The following RIPOR2 variants were observed in gnomAD, a reference collection of about 807,000 sequenced individuals.
RIPOR2 encodes the protein RHO family interacting cell polarization regulator 2.
In RIPOR2, 39 loss-of-function variants were observed where a neutral mutation model predicts 114.5. That is an observed-to-expected ratio of 0.34 (90% confidence interval 0.26 to 0.44). The LOEUF (loss-of-function observed/expected upper bound fraction) is 0.44. Ranked by LOEUF, RIPOR2 falls within the 20% of genes least tolerant of loss-of-function variation. RIPOR2 has a pLI of 1.00. For missense variants in RIPOR2, 1,007 were observed against 1,255.1 expected (o/e 0.80, Z 2.99); for synonymous variants, 445 against 484.4 (o/e 0.92, Z 1.07).
intron 7 of RIPOR2, 134 bp from the exon 8 acceptor site, chr6:24,861,170 G>T: frequency 1.7e-6 from 1 of 593,168 alleles, no homozygotes. Flanking sequence ...ACACAGCACA[G>T]CCTAAGAAAC....
intron 1 of RIPOR2, among the ~76,000 whole-genome samples, chr6:24,911,519 G>C (rs994141169): frequency 3.9e-5 from 6 of 152,218 alleles, no homozygotes; most frequent in African/African-American, 1.2e-4. Context: ...CCCACGGCAA[G>C]GGTTGTGCTG....
chr6:24,966,624 T>C (rs554142882), intron 1 of RIPOR2, among the ~76,000 whole-genome samples: 1 of 152,286 alleles, frequency 6.6e-6, no homozygotes, highest in South Asian at 2.1e-4. Context: ...CAATTATGCA[T>C]GATGAAGTCA....
At chr6:24,956,274 C>T (rs1581871382) in intron 1 of RIPOR2, among the ~76,000 whole-genome samples, 2 of 152,102 alleles carry the variant, frequency 1.3e-5, no homozygotes, top group South Asian at 4.1e-4. Flanking sequence ...TTCCCTCTTA[C>T]AATAGATCAT....
chr6:25,001,624 C>CAAA (rs747422738), intron 1 of RIPOR2, among the ~76,000 whole-genome samples: 9 of 56,312 alleles, frequency 1.6e-4, no homozygotes, highest in African/African-American at 4.1e-4. Flanking sequence ...GACTTCATCT[C>CAAA]AAAAAAAAAA....
intron 13 of RIPOR2, chr6:24,840,226 G>A (rs1761561953): frequency 1.2e-5 from 12 of 1,000,850 alleles, no homozygotes; most frequent in Non-Finnish European, 1.4e-5. Context: ...TTACAGGCAT[G>A]AGCCACCGCA....
intron 6 of RIPOR2, 108 bp downstream of exon 6, chr6:24,868,986 A>C (rs1302831373): frequency 8.3e-6 from 5 of 600,268 alleles, no homozygotes. Context: ...CTTAGGAGTC[A>C]ATTGGATAGG....
intron 1 of RIPOR2, among the ~76,000 whole-genome samples, chr6:24,951,315 C>A (rs778862516): frequency 1.4e-4 from 21 of 152,246 alleles, no homozygotes; most frequent in Admixed American, 3.3e-4. Context: ...AGTGCTGCAG[C>A]CCCCAGGTTT....
rs181183237 is a variant in RIPOR2, at chr6:24,924,793, A to C, written c.61+11045T>G. On this transcript the variant is annotated intron_variant, in intron 1 of 21. Coordinates refer to ENST00000643898, the MANE Select transcript of RIPOR2 (RefSeq NM_001286445.3). Reference sequence around the variant, plus strand: ...GGATTACAAAACTCTCAATGACCTTAAGATTTGGAAGTTGATGACATAGAC... The same window carrying C: ...GGATTACAAAACTCTCAATGACCTTCAGATTTGGAAGTTGATGACATAGAC... Among the ~76,000 whole-genome samples the C allele has an allele frequency of 2.1e-3, 313 of 152,324 alleles. 1 individual carries two copies. Among genetic ancestry groups the C allele is most frequent in the Non-Finnish European group, 3.4e-3 (232 of 68,022 alleles).
intron 1 of RIPOR2, among the ~76,000 whole-genome samples, chr6:25,040,871 A>C (rs1308158973): frequency 6.6e-6 from 1 of 152,208 alleles, no homozygotes; most frequent in Non-Finnish European, 1.5e-5. Context: ...GATTACAGGC[A>C]TGAGCTACCG....
At chr6:24,925,215 C>T (rs1770773603) in intron 1 of RIPOR2, among the ~76,000 whole-genome samples, 1 of 152,238 alleles carries the variant, frequency 6.6e-6, no homozygotes, top group Non-Finnish European at 1.5e-5. Context: ...GTGCAGTTCT[C>T]AGTGTTACCT....
intron 4 of RIPOR2, among the ~76,000 whole-genome samples, chr6:24,872,532 G>C (rs531041166): frequency 2.2e-4 from 33 of 152,214 alleles, no homozygotes; most frequent in Non-Finnish European, 4.3e-4. Context: ...AATTCTGTAT[G>C]TACTAACAAT....
intron 4 of RIPOR2, among the ~76,000 whole-genome samples, chr6:24,871,661 A>G (rs977401734): frequency 6.6e-6 from 1 of 152,192 alleles, no homozygotes; most frequent in Admixed American, 6.5e-5. Context: ...CCTTAAGAAG[A>G]GTTCTTGAGG....
chr6:24,855,369 TTTA>T lies in RIPOR2; in HGVS notation c.716-2754_716-2752del, dbSNP rs200919805. Among the ~76,000 whole-genome samples the T allele has an allele frequency of 3.0e-3, 406 of 135,308 alleles. 4 individuals carry two copies. Among genetic ancestry groups the T allele is most frequent in the South Asian group, 0.029 (127 of 4,428 alleles). The allele number at this position is 135,308 out of a possible 152,430, so 88.8% of individuals were successfully genotyped here. On this transcript the variant is annotated intron_variant, in intron 8 of 21. Transcript: ENST00000643898. The stretch of plus-strand genomic sequence containing the variant: ...ACTGGGTGGAATGATTATATATGAC[TTTA>T]TTTTTTTTTTGTTATATTTCTCAAT...
chr6:24,900,842 C>T (rs1768374080), intron 1 of RIPOR2, among the ~76,000 whole-genome samples: 1 of 152,028 alleles, frequency 6.6e-6, no homozygotes, highest in Non-Finnish European at 1.5e-5. Context: ...GTTGTTTTGT[C>T]TTGCTTTTTG....
chr6:24,850,092 TTTTTC>T (rs1762717735), intron 10 of RIPOR2, 142 bp from the exon 11 acceptor site: 3 of 626,758 alleles, frequency 4.8e-6, no homozygotes, highest in African/African-American at 2.3e-5. Flanking sequence ...TTCATTTTTC[TTTTTC>T]TTTTTTTTTT....
intron 1 of RIPOR2, among the ~76,000 whole-genome samples, chr6:25,028,636 C>T (rs1264192676): frequency 6.6e-6 from 1 of 152,224 alleles, no homozygotes; most frequent in Admixed American, 6.5e-5. Flanking sequence ...GACAGATGTA[C>T]TGTCTTACTC....
chr6:24,840,489 G>C (rs1366623203), intron 13 of RIPOR2: 1 of 1,385,336 alleles, frequency 7.2e-7, no homozygotes, highest in African/African-American at 1.5e-5. Flanking sequence ...TTGGAGAGAA[G>C]TATTTCCAAA....
chr6:24,936,875 T>C (rs1341471720), upstream of RIPOR2, among the ~76,000 whole-genome samples: 30 of 152,166 alleles, frequency 2.0e-4, no homozygotes, highest in Non-Finnish European at 1.5e-5. Flanking sequence ...AAAATGCAAA[T>C]GGAGATGACA....
intron 1 of RIPOR2, chr6:24,977,076 T>A (rs1262501083): frequency 3.2e-6 from 4 of 1,252,788 alleles, no homozygotes; most frequent in Non-Finnish European, 4.5e-6. Context: ...TCCCAGTATC[T>A]TTGTGCTCTT....
Sources: allele counts gnomAD v4.1 joint callset (sites outside exome capture counted in the v4.1 genomes callset), GRCh38; gene constraint gnomAD v4.1.1; transcripts MANE v1.5; gene names NCBI Gene and HGNC (gene_info 2026-07-23, HGNC 2026-07-21).